PODXL: variants seen among roughly 807,000 people sequenced by gnomAD.
PODXL encodes podocalyxin like, also known as podocalyxin.
Under a neutral mutation model 48.9 loss-of-function variants are expected in PODXL, and 20 were observed. The observed-to-expected ratio is 0.41, with a 90% confidence interval of 0.29 to 0.59. The LOEUF (loss-of-function observed/expected upper bound fraction) is 0.59. Ranked by LOEUF, PODXL falls within the 20% of genes least tolerant of loss-of-function variation. The pLI is 0.31. For missense variants in PODXL, 606 were observed against 675.1 expected, an observed-to-expected ratio of 0.90 and a Z score of 1.13; for synonymous variants, 295 against 287.4, an observed-to-expected ratio of 1.03 and a Z score of -0.27.
intron 1 of PODXL, among the ~76,000 whole-genome samples, chr7:131,552,718 C>T (rs1261731433): frequency 6.6e-6 from 1 of 152,168 alleles, no homozygotes; most frequent in Non-Finnish European, 1.5e-5. Context: ...CCAGCTCGCT[C>T]CTGCCTCAGA....
intron 1 of PODXL, among the ~76,000 whole-genome samples, chr7:131,549,070 C>A (rs966158017): frequency 1.3e-5 from 2 of 152,146 alleles, no homozygotes; most frequent in East Asian, 1.9e-4. Context: ...GGGGAAGAGA[C>A]AGACAAACAA....
At chr7:131,554,788 G>C (rs563589976) in intron 1 of PODXL, among the ~76,000 whole-genome samples, 1 of 152,242 alleles carries the variant, frequency 6.6e-6, no homozygotes, top group South Asian at 2.1e-4. Context: ...GGTTCTAAGA[G>C]GCTTCCCAAC....
chr7:131,541,603 G>A (rs967563011), intron 1 of PODXL, among the ~76,000 whole-genome samples: 6 of 150,908 alleles, frequency 4.0e-5, no homozygotes, highest in African/African-American at 9.8e-5. Flanking sequence ...ATAATTGCTC[G>A]AACCTGGGAG....
rs1797757666 is a variant in PODXL at position 131,504,111 on chromosome 7, G to A, written c.*200C>T. On this transcript the variant is annotated 3_prime_UTR_variant, in exon 9 of 9. Coordinates refer to ENST00000378555, the MANE Select transcript of PODXL (RefSeq NM_001018111.3). ...CAGCACTGAGCTCAGGCACTAGTGG[G>A]TTATTTTACAAGAGGAATCTGGACA... is the stretch of plus-strand genomic sequence containing the variant. The A allele has an allele frequency of 1.0e-5, 6 of 594,208 alleles. No individual in the cohort carries two copies. Among genetic ancestry groups the A allele is most frequent in the South Asian group, 6.0e-5 (3 of 49,844 alleles). The allele number at this position is 594,208 out of a possible 1,614,324, so 36.8% of individuals were successfully genotyped here. A position where few individuals can be genotyped will look rare whatever the true frequency, so the allele number is the denominator to read the frequency against.
intron 1 of PODXL, among the ~76,000 whole-genome samples, chr7:131,529,335 G>A (rs1757553885): frequency 6.6e-6 from 1 of 152,140 alleles, no homozygotes; most frequent in Admixed American, 6.6e-5. Context: ...GGGGACAGTG[G>A]GAGGAGAAGA....
intron 1 of PODXL, among the ~76,000 whole-genome samples, chr7:131,531,454 G>A (rs1798279141): frequency 6.6e-6 from 1 of 152,114 alleles, no homozygotes; most frequent in Admixed American, 6.5e-5. Flanking sequence ...ACCAGTGTCG[G>A]CTCTCTTCCC....
intron 8 of PODXL, 109 bp downstream of exon 8, chr7:131,505,759 G>T: frequency 1.8e-6 from 2 of 1,096,830 alleles, no homozygotes; most frequent in Non-Finnish European, 2.5e-6. Flanking sequence ...CTGTTAGAAA[G>T]GGTCCAGGGC....
intron 1 of PODXL, among the ~76,000 whole-genome samples, chr7:131,555,585 C>A (rs977144755): frequency 1.3e-5 from 2 of 152,148 alleles, no homozygotes; most frequent in Admixed American, 1.3e-4. Context: ...GGGGTCTCAC[C>A]ATCGTAGCCA....
Position 131,503,724 on chromosome 7 carries a change from T to G in PODXL, c.*587A>C. On this transcript the variant is annotated 3_prime_UTR_variant, in exon 9 of 9. Coordinates refer to ENST00000378555, the MANE Select transcript of PODXL (RefSeq NM_001018111.3). Reference sequence around the variant, plus strand: ...TAGGGAGGGGTAAGAACATAGAGGGTGGGAAGATGGGTACACGAGGCTGGG... The same window carrying G: ...TAGGGAGGGGTAAGAACATAGAGGGGGGGAAGATGGGTACACGAGGCTGGG... 1 of 155,856 alleles carries G rather than the reference T, an allele frequency of 6.4e-6. No individual in the cohort carries two copies. Among genetic ancestry groups the G allele is most frequent in the Non-Finnish European group, 1.4e-5 (1 of 70,828 alleles). The allele number at this position is 155,856 out of a possible 1,614,324, so 9.7% of individuals were successfully genotyped here.
At chr7:131,510,473 G>A (rs562284271) in intron 2 of PODXL, 142 bp from the exon 3 acceptor site, 25 of 276,586 alleles carry the variant, frequency 9.0e-5, no homozygotes, top group East Asian at 5.5e-4. Flanking sequence ...TCATGCCACC[G>A]CACTCCAGCC....
In PODXL at chr7:131,501,357, T is replaced by C. The variant is rs764339457; in HGVS notation, c.*2954A>G. 3 of 152,610 alleles carry C rather than the reference T, an allele frequency of 2.0e-5. No individual in the cohort carries two copies. 9.5% of individuals were successfully genotyped at this position (152,610 alleles called of 1,614,324 possible). A position where few individuals can be genotyped will look rare whatever the true frequency, so the allele number is the denominator to read the frequency against. ...CTGTATTTACATTATCAAAAAAATA[T>C]GTGTATATGTATCAGTTTGAACTTG... On this transcript the variant is annotated 3_prime_UTR_variant, in exon 9 of 9. Coordinates refer to ENST00000378555, the MANE Select transcript of PODXL (RefSeq NM_001018111.3).
intron 1 of PODXL, among the ~76,000 whole-genome samples, chr7:131,539,120 G>T (rs1469323714): frequency 6.6e-6 from 1 of 152,192 alleles, no homozygotes; most frequent in Non-Finnish European, 1.5e-5. Flanking sequence ...ACAGCACCCG[G>T]GGGAGGTGGC....
chr7:131,542,437 C>G (rs1408886098), intron 1 of PODXL, among the ~76,000 whole-genome samples: 1 of 152,204 alleles, frequency 6.6e-6, no homozygotes, highest in Non-Finnish European at 1.5e-5. Flanking sequence ...ATGAGGATCA[C>G]TTGAGCCCAG....
In PODXL at chr7:131,500,909, T is replaced by G. The variant is rs1464047049; in HGVS notation, c.*3402A>C. ...TTAATCTTGTTTCTGTCCTGAACCA[T>G]GTGATTTTGAGGAAGTCACTTCATC... On this transcript the variant is annotated 3_prime_UTR_variant, in exon 9 of 9. Coordinates refer to ENST00000378555, the MANE Select transcript of PODXL (RefSeq NM_001018111.3). The G allele has an allele frequency of 6.6e-6, 1 of 152,178 alleles. No homozygotes were observed. Among genetic ancestry groups the G allele is most frequent in the East Asian group, 1.9e-4 (1 of 5,190 alleles). 9.4% of individuals were successfully genotyped at this position (152,178 alleles called of 1,614,324 possible).
intron 1 of PODXL, 115 bp from the exon 2 acceptor site, chr7:131,511,548 C>G: frequency 7.6e-6 from 8 of 1,049,272 alleles, no homozygotes; most frequent in Non-Finnish European, 1.4e-6. Context: ...GTCTGCCTTG[C>G]TAAAGGCCTG....
chr7:131,544,844 C>T (rs1334211770), intron 1 of PODXL, among the ~76,000 whole-genome samples: 1 of 152,202 alleles, frequency 6.6e-6, no homozygotes, highest in Admixed American at 6.5e-5. Flanking sequence ...CCTCAACCAC[C>T]AACTCCCAGG....
At chr7:131,544,651 TGTACTACGCAC>T (rs1220745907) in intron 1 of PODXL, among the ~76,000 whole-genome samples, 62 of 24,446 alleles carry the variant, frequency 2.5e-3, no homozygotes, top group Admixed American at 5.0e-3. Flanking sequence ...ACGCACGCCC[TGTACTACGCAC>T]GCACGCCCTG....
chr7:131,550,785 GCACACA>G (rs145924173), intron 1 of PODXL, among the ~76,000 whole-genome samples: 2 of 150,790 alleles, frequency 1.3e-5, no homozygotes, highest in Admixed American at 1.3e-4. Context: ...ATACATGCAC[GCACACA>G]CACACACACG....
At chr7:131,551,960 G>A (rs1798675651) in intron 1 of PODXL, among the ~76,000 whole-genome samples, 1 of 151,696 alleles carries the variant, frequency 6.6e-6, no homozygotes, top group South Asian at 2.1e-4. Flanking sequence ...ACAGTGAAGG[G>A]CTCTGAGCTA....
Sources: allele counts gnomAD v4.1 joint callset (sites outside exome capture counted in the v4.1 genomes callset), GRCh38; gene constraint gnomAD v4.1.1; transcripts MANE v1.5; gene names NCBI Gene and HGNC (gene_info 2026-07-23, HGNC 2026-07-21).